Variants in IFT88 observed in about 807,000 individuals in gnomAD.
IFT88 encodes the protein intraflagellar transport protein 88 homolog.
In IFT88, 74 loss-of-function variants were observed where a neutral mutation model predicts 119.5. The ratio of observed to expected loss-of-function variants is 0.62; its 90% confidence interval spans 0.51 to 0.75. The LOEUF is 0.75. IFT88 is among the 30% of genes least tolerant of loss of function. The probability of loss-of-function intolerance (pLI) is 0.00; values close to 1 mark genes in which losing one functional copy is unlikely to be tolerated. For missense variants in IFT88, 961 were observed against 977.7 expected (o/e 0.98, Z 0.23); for synonymous variants, 279 against 316.7 (o/e 0.88, Z 1.26).
intron 14 of IFT88, among the ~76,000 whole-genome samples, chr13:20,620,083 C>T (rs987367400): frequency 6.6e-6 from 1 of 151,968 alleles, no homozygotes; most frequent in East Asian, 1.9e-4. Flanking sequence ...TTTTGCATAC[C>T]CCAACTTCAT....
chr13:20,617,020 T>C (rs2045737957), intron 14 of IFT88, among the ~76,000 whole-genome samples: 1 of 152,070 alleles, frequency 6.6e-6, no homozygotes, highest in Non-Finnish European at 1.5e-5. Flanking sequence ...CTCGGCTCAC[T>C]GCAAGCTCCA....
At chr13:20,619,117 A>G (rs528958625) in intron 14 of IFT88, among the ~76,000 whole-genome samples, 2 of 152,258 alleles carry the variant, frequency 1.3e-5, no homozygotes, top group South Asian at 4.1e-4. Context: ...CGGCCTCCCA[A>G]AGTGCTGGGA....
At position 20,569,619 on chromosome 13, in the gene IFT88, A is replaced by G. The variant is rs370079320; in HGVS notation, c.-7+2363A>G. ...AAACTTTTGTGCTTCAGAGGATAGT[A>G]CAAAGAATGTAAAATGATGTACAGA... On this transcript the variant is annotated intron_variant, in intron 1 of 25. Coordinates refer to ENST00000351808, the MANE Select transcript of IFT88 (RefSeq NM_006531.5). Among the ~76,000 whole-genome samples the G allele has an allele frequency of 2.3e-3, 356 of 152,206 alleles. 1 individual carries two copies. The highest frequency in any genetic ancestry group is 0.017 in the South Asian group (81 of 4,826).
intron 14 of IFT88, among the ~76,000 whole-genome samples, chr13:20,622,599 A>G (rs2046716961): frequency 6.6e-6 from 1 of 152,192 alleles, no homozygotes; most frequent in Non-Finnish European, 1.5e-5. Context: ...GCATCTTTTC[A>G]TGTACTTATT....
chr13:20,690,653 T>G (rs1184538757), intron 24 of IFT88, 52 bp from the exon 25 acceptor site: 16 of 1,220,352 alleles, frequency 1.3e-5, no homozygotes, highest in Non-Finnish European at 1.9e-5. Context: ...TAATGTAGTT[T>G]TATGTTTTCT....
chr13:20,670,138 G>A (rs968552139), intron 23 of IFT88, among the ~76,000 whole-genome samples: 4 of 152,226 alleles, frequency 2.6e-5, no homozygotes, highest in Non-Finnish European at 5.9e-5. Context: ...ATGAAATTAT[G>A]TTTATGTCTT....
At chr13:20,636,183 C>G (rs2049001123) in intron 16 of IFT88, among the ~76,000 whole-genome samples, 1 of 152,074 alleles carries the variant, frequency 6.6e-6, no homozygotes, top group Non-Finnish European at 1.5e-5. Context: ...GGAACAGAGC[C>G]TTGAAGTGTC....
intron 13 of IFT88, among the ~76,000 whole-genome samples, chr13:20,615,376 C>T (rs913240838): frequency 4.6e-5 from 7 of 152,104 alleles, no homozygotes; most frequent in African/African-American, 1.7e-4. Context: ...TACAGATACA[C>T]ATATATGCAC....
At chr13:20,670,192 TAAG>T (rs1455497694) in intron 23 of IFT88, among the ~76,000 whole-genome samples, 2 of 152,220 alleles carry the variant, frequency 1.3e-5, no homozygotes, top group Non-Finnish European at 2.9e-5. Context: ...CCACCCATGT[TAAG>T]AAGTTTAATT....
intron 13 of IFT88, among the ~76,000 whole-genome samples, chr13:20,614,652 G>C (rs914039174): frequency 6.6e-6 from 1 of 152,076 alleles, no homozygotes; most frequent in Admixed American, 6.6e-5. Flanking sequence ...CAGTAATCTG[G>C]TTGTGATACT....
intron 24 of IFT88, among the ~76,000 whole-genome samples, chr13:20,685,845 G>A (rs184920597): frequency 2.4e-4 from 37 of 152,316 alleles, no homozygotes; most frequent in South Asian, 1.9e-3. Context: ...GCGCCACTGC[G>A]CTCTAGCCTG....
chr13:20,601,856 G>GA lies in IFT88; in HGVS notation c.970dup (p.Met324AsnfsTer16). ...CTGTTATTTTGCTATTGGAGACCGAGAAAAAATGAAGAAGGCATTCCAAAA... is the reference window on the plus strand; with the variant it reads ...CTGTTATTTTGCTATTGGAGACCGAGAAAAAAATGAAGAAGGCATTCCAAAA... On this transcript the variant is annotated frameshift_variant, in exon 12 of 26. Transcript: ENST00000351808. LOFTEE classifies it high-confidence loss of function. 1 of 1,613,042 alleles carries GA rather than the reference G, an allele frequency of 6.2e-7. No individual in the cohort carries two copies. The highest frequency in any genetic ancestry group is 8.5e-7 in the Non-Finnish European group (1 of 1,179,178).
Position 20,615,578 on chromosome 13 carries a change from G to A in IFT88, c.1113-215G>A, listed in dbSNP as rs1003542632. Among the ~76,000 whole-genome samples the A allele has an allele frequency of 7.9e-5, 12 of 152,250 alleles. No individual in the cohort carries two copies. In the South Asian group the frequency reaches 1.5e-3, roughly 18 times the overall value. ...CAGAAAAAGAAAAGAAATGAACACC[G>A]TTGACCCGGCAGGCAATCATGGCTT... On this transcript the variant is annotated intron_variant, in intron 13 of 25. Coordinates refer to ENST00000351808, the MANE Select transcript of IFT88 (RefSeq NM_006531.5).
intron 24 of IFT88, among the ~76,000 whole-genome samples, chr13:20,689,620 T>C (rs1220006679): frequency 6.6e-6 from 1 of 152,216 alleles, no homozygotes; most frequent in Non-Finnish European, 1.5e-5. Flanking sequence ...GCCAACTTTG[T>C]TTTATGTTTC....
chr13:20,608,269 A>C, intron 13 of IFT88: 1 of 196,122 alleles, frequency 5.1e-6, no homozygotes, highest in Non-Finnish European at 1.0e-5. Context: ...ATGGTGTGTA[A>C]CTCTTCATCA....
At chr13:20,664,713 G>A (rs1352091482) in intron 23 of IFT88, among the ~76,000 whole-genome samples, 1 of 152,078 alleles carries the variant, frequency 6.6e-6, no homozygotes, top group Admixed American at 6.6e-5. Flanking sequence ...TATGAAAAAG[G>A]AAGAGAAAAA....
chr13:20,674,828 C>T (rs950329413), intron 24 of IFT88, among the ~76,000 whole-genome samples: 3 of 149,428 alleles, frequency 2.0e-5, no homozygotes, highest in African/African-American at 7.4e-5. Context: ...ATTCTCCTCC[C>T]TCAGCCTCCC....
chr13:20,592,257 G>A (rs2138715686), intron 6 of IFT88, 78 bp from the exon 7 acceptor site: 2 of 1,026,884 alleles, frequency 1.9e-6, no homozygotes, highest in Admixed American at 4.3e-5. Flanking sequence ...AATAGCTTAT[G>A]CGAGGTTTTA....
At chr13:20,588,468 T>C (rs376023735) in intron 3 of IFT88, among the ~76,000 whole-genome samples, 19 of 152,304 alleles carry the variant, frequency 1.2e-4, no homozygotes, top group East Asian at 7.7e-4. Flanking sequence ...TTGGTTTTAA[T>C]TGAGAGACAT....
Sources: allele counts gnomAD v4.1 joint callset (sites outside exome capture counted in the v4.1 genomes callset), GRCh38; gene constraint gnomAD v4.1.1; transcripts MANE v1.5; gene names NCBI Gene and HGNC (gene_info 2026-07-23, HGNC 2026-07-21).